Variants in PARG observed in about 807,000 individuals in gnomAD.
The protein encoded by PARG is mitochondrial poly(ADP-ribose) glycohydrolase.
Under a neutral mutation model 113.0 loss-of-function variants are expected in PARG, and 35 were observed. The observed-to-expected ratio is 0.31, with a 90% CI of 0.24 to 0.41. The LOEUF is 0.41. PARG is among the 10% of genes least tolerant of loss of function. The pLI, the probability that PARG is intolerant of heterozygous loss-of-function variation, is 1.00. For missense variants in PARG, 797 were observed against 1,169.4 expected (o/e 0.68, Z 4.64); for synonymous variants, 330 against 409.9 (o/e 0.81, Z 2.36).
intron 7 of PARG, among the ~76,000 whole-genome samples, chr10:49,908,892 G>C (rs1461345183): frequency 2.6e-5 from 4 of 152,066 alleles, no homozygotes; most frequent in Non-Finnish European, 5.9e-5. Flanking sequence ...ACAATTTACC[G>C]CCTTAGGTCA....
chr10:49,935,686 A>G (rs1363822780), intron 1 of PARG, among the ~76,000 whole-genome samples: 1 of 152,154 alleles, frequency 6.6e-6, no homozygotes, highest in Non-Finnish European at 1.5e-5. Context: ...CATAATCGGT[A>G]AGATTTCTTC....
rs186547803 is a variant in PARG at position 49,919,281 on chromosome 10, A to G, written c.1662+3055T>C. ...TATTTGCAGTTGAAGAAATATAAAA[A>G]TTCTTAAAAACAGCCTCTGTTTAGA... On this transcript the variant is annotated intron_variant, in intron 6 of 17. Transcript: ENST00000616448. Among the ~76,000 whole-genome samples, 333 of 152,362 alleles carry G rather than the reference A, an allele frequency of 2.2e-3. 2 individuals carry two copies. Among genetic ancestry groups the G allele is most frequent in the Admixed American group, 3.5e-3 (54 of 15,300 alleles).
chr10:49,917,326 TA>T (rs781877919), intron 6 of PARG, among the ~76,000 whole-genome samples: 1 of 151,382 alleles, frequency 6.6e-6, no homozygotes, highest in Non-Finnish European at 1.5e-5. Flanking sequence ...ATGTCTCTAA[TA>T]AAAATACAAA....
intron 12 of PARG, among the ~76,000 whole-genome samples, chr10:49,858,960 AG>A (rs1400068018): frequency 1.3e-5 from 2 of 152,118 alleles, no homozygotes; most frequent in East Asian, 3.8e-4. Flanking sequence ...TTTGTAATTT[AG>A]ATGGCAGTCA....
intron 7 of PARG, among the ~76,000 whole-genome samples, chr10:49,889,349 C>T (rs1356308900): frequency 8.5e-5 from 13 of 152,256 alleles, no homozygotes; most frequent in African/African-American, 2.9e-4. Flanking sequence ...ACTGTGCCAG[C>T]AGGGGAATGG....
At chr10:49,936,907 A>G (rs1838772666) in intron 1 of PARG, among the ~76,000 whole-genome samples, 1 of 152,234 alleles carries the variant, frequency 6.6e-6, no homozygotes, top group East Asian at 1.9e-4. Context: ...CAAAATACTT[A>G]TAATCCAGCT....
chr10:49,933,326 C>G lies in PARG; in HGVS notation c.1122G>C (p.Glu374Asp), dbSNP rs1235172626. The change falls in exon 3 of 18, where the codon GAG (glutamate) becomes GAC (aspartate). Residue 374 changes from glutamate to aspartate, a missense_variant. Physicochemically the swap from Glu to Asp is conservative, Grantham distance 45. Coordinates refer to ENST00000616448, the MANE Select transcript of PARG (RefSeq NM_003631.5). The stretch of plus-strand genomic sequence containing the variant: ...TTAAATCATTCATTCCAGTGCGACT[C>G]TCTCCTCCTTCAAATTGGAAATGTA... ...VRLHFQFEGG[E>D]SRTGMNDLNA... The G allele has an allele frequency of 1.2e-6, 2 of 1,611,816 alleles. No individual in the cohort carries two copies. The highest frequency in any genetic ancestry group is 8.5e-7 in the Non-Finnish European group (1 of 1,178,218).
At chr10:49,854,863 G>A (rs1212570380) in intron 13 of PARG, among the ~76,000 whole-genome samples, 1 of 151,426 alleles carries the variant, frequency 6.6e-6, no homozygotes, top group Admixed American at 6.6e-5. Context: ...ACAGCAAGAA[G>A]GATGAACTGT....
chr10:49,862,507 C>G (rs1846302393), intron 11 of PARG, among the ~76,000 whole-genome samples: 2 of 151,792 alleles, frequency 1.3e-5, no homozygotes, highest in African/African-American at 4.8e-5. Context: ...TTCCTGGTTT[C>G]AATGAGTTTA....
chr10:49,836,447 C>T (rs1844938527), intron 15 of PARG, among the ~76,000 whole-genome samples: 1 of 149,834 alleles, frequency 6.7e-6, no homozygotes, highest in African/African-American at 2.4e-5. Context: ...AGACTTCATC[C>T]CTAAAATAAT....
Position 49,935,886 on chromosome 10 carries a change from A to G in PARG, c.218-744T>C, listed in dbSNP as rs1234847734. On this transcript the variant is annotated intron_variant, in intron 1 of 17. Coordinates refer to ENST00000616448, the MANE Select transcript of PARG (RefSeq NM_003631.5). ...TCTTGAATGACCCACAAAGAGAAGC[A>G]CAAAAAATGTGTTGAAAGACATGAT... Among the ~76,000 whole-genome samples the G allele has an allele frequency of 4.1e-4, 63 of 152,350 alleles. 3 individuals carry two copies. In the South Asian group the frequency reaches 0.013, roughly 31 times the overall value.
chr10:49,925,980 C>G (rs1838139143), intron 4 of PARG, among the ~76,000 whole-genome samples: 1 of 152,218 alleles, frequency 6.6e-6, no homozygotes, highest in Non-Finnish European at 1.5e-5. Context: ...TGTACCCTTT[C>G]CCCATTGGCT....
At chr10:49,858,672 A>G (rs1489870710) in intron 12 of PARG, among the ~76,000 whole-genome samples, 9 of 139,430 alleles carry the variant, frequency 6.5e-5, no homozygotes, top group Middle Eastern at 3.4e-3. Flanking sequence ...GAGTTCTTCA[A>G]TTGAGCTACC....
intron 7 of PARG, among the ~76,000 whole-genome samples, chr10:49,888,280 TA>T (rs1847597427): frequency 2.0e-5 from 3 of 151,910 alleles, no homozygotes; most frequent in African/African-American, 7.2e-5. Context: ...AAAAAGTTTT[TA>T]AAAAGTCTAT....
chr10:49,909,575 G>C (rs1329771037), intron 7 of PARG: 5 of 154,328 alleles, frequency 3.2e-5, no homozygotes, highest in Non-Finnish European at 5.8e-5. Flanking sequence ...CTTGGAGCCT[G>C]TGGAGGCCTG....
chr10:49,846,261 TA>T lies in PARG; in HGVS notation c.2354-2630del, dbSNP rs570125569. Among the ~76,000 whole-genome samples, 107 of 150,590 alleles carry T rather than the reference TA, an allele frequency of 7.1e-4. 4 individuals carry two copies. In the South Asian group the frequency reaches 0.022, roughly 31 times the overall value. ...TATGACATATATTTACATGACATTC[TA>T]AAAAAAAGAAAAAAGTAATTTATAA... On this transcript the variant is annotated intron_variant, in intron 13 of 17. Coordinates refer to ENST00000616448, the MANE Select transcript of PARG (RefSeq NM_003631.5).
At chr10:49,877,963 T>C (rs1847023807) in intron 9 of PARG, among the ~76,000 whole-genome samples, 1 of 151,732 alleles carries the variant, frequency 6.6e-6, no homozygotes, top group African/African-American at 2.4e-5. Context: ...AAAATATTTA[T>C]TAATCACAAA....
intron 7 of PARG, among the ~76,000 whole-genome samples, chr10:49,904,442 G>A (rs1326151310): frequency 1.3e-5 from 2 of 151,324 alleles, no homozygotes; most frequent in Non-Finnish European, 2.9e-5. Flanking sequence ...GAAGATGACT[G>A]TAAAACATCA....
intron 16 of PARG, among the ~76,000 whole-genome samples, chr10:49,823,995 A>G (rs1844231596): frequency 6.6e-6 from 1 of 152,212 alleles, no homozygotes; most frequent in African/African-American, 2.4e-5. Flanking sequence ...CAGGAGATCC[A>G]AGTTCTATCT....
Sources: gnomAD v4.1 joint callset for allele counts (sites outside exome capture counted in the v4.1 genomes callset) on GRCh38, gnomAD v4.1.1 for gene constraint, MANE v1.5 for transcripts, NCBI Gene and HGNC (gene_info 2026-07-23, HGNC 2026-07-21) for gene names.